SLFN14: variants seen among roughly 807,000 people sequenced by gnomAD.
SLFN14 encodes the protein schlafen family member 14, also known as protein SLFN14.
A neutral mutation model predicts 58.6 loss-of-function variants in SLFN14; 47 were observed. The observed-to-expected ratio is 0.80, with a 90% CI of 0.64 to 1.02. SLFN14 has a LOEUF of 1.02. Ranked by LOEUF, SLFN14 falls within the 50% of genes least tolerant of loss-of-function variation. The pLI is 0.00. For missense variants in SLFN14, 967 were observed against 1,078.4 expected (o/e 0.90, Z 1.45); for synonymous variants, 390 against 387.3 (o/e 1.01, Z -0.08).
At chr17:35,551,725 G>A (rs979838343) in intron 5 of SLFN14, among the ~76,000 whole-genome samples, 1 of 152,196 alleles carries the variant, frequency 6.6e-6, no homozygotes, top group African/African-American at 2.4e-5. Context: ...GCTAGCCGCC[G>A]AAAGAGGGGG....
Position 35,553,101 on chromosome 17 carries a change from C to T in SLFN14, c.1533G>A (p.Arg511=), listed in dbSNP as rs1172686961. Residue 511 remains arginine, a synonymous_variant, in exon 5 of 6, where the codon AGG becomes AGA. Transcript: ENST00000674182. ...GYTGKVCIIP[R]LIHLSSTQSR... is the part of the protein sequence containing the mutation. ...TCTGTGTGCTGCTCAGGTGTATCAG[C>T]CTTGGAATGATGCACACTTTCCCTG... is the stretch of plus-strand genomic sequence containing the variant. The T allele has an allele frequency of 1.3e-6, 2 of 1,551,638 alleles. No individual in the cohort carries two copies. The highest frequency in any genetic ancestry group is 3.9e-5 in the Admixed American group (2 of 50,996).
intron 5 of SLFN14, 52 bp downstream of exon 5, chr17:35,552,675 CATA>C: frequency 1.0e-6 from 1 of 961,186 alleles, no homozygotes; most frequent in Non-Finnish European, 1.5e-6. Flanking sequence ...TATATATACA[CATA>C]TATATATACA....
intron 2 of SLFN14, among the ~76,000 whole-genome samples, chr17:35,559,438 C>A (rs994194361): frequency 2.6e-5 from 4 of 152,076 alleles, no homozygotes; most frequent in African/African-American, 9.7e-5. Context: ...TCTAATAGTT[C>A]TGCCCTGTGC....
chr17:35,551,730 AG>A (rs772774500), intron 5 of SLFN14, among the ~76,000 whole-genome samples: 40 of 152,222 alleles, frequency 2.6e-4, no homozygotes, highest in Non-Finnish European at 4.6e-4. Flanking sequence ...CCGCCGAAAG[AG>A]GGGGAACCTG....
intron 2 of SLFN14, among the ~76,000 whole-genome samples, chr17:35,558,448 T>C (rs2586511): frequency 0.74 from 111,421 of 151,378 alleles, 41,348 homozygotes; most frequent in East Asian, 0.85. Context: ...TTTTCTTTTT[T>C]GTTCTTGCTA....
Position 35,554,699 on chromosome 17 carries a change from G to C in SLFN14, c.1066C>G (p.Pro356Ala). ...VMMLDTQSAP[P>A]SLVTDYNSCL... is the part of the protein sequence containing the mutation. ...GAGTTGTAGTCTGTGACCAAACTGG[G>C]AGGAGCTAGACAATTACATGGAAAG... Residue 356 changes from proline (P) to alanine (A), a missense_variant, in exon 4 of 6, where the codon CCC becomes GCC. Physicochemically the swap from Pro to Ala is conservative, Grantham distance 27. Coordinates refer to ENST00000674182, the MANE Select transcript of SLFN14 (RefSeq NM_001129820.2). The C allele has an allele frequency of 1.4e-6, 2 of 1,414,338 alleles. No homozygotes were observed. Among genetic ancestry groups the C allele is most frequent in the Non-Finnish European group, 9.3e-7 (1 of 1,077,520 alleles). 87.6% of individuals were successfully genotyped at this position (1,414,338 alleles called of 1,614,324 possible).
chr17:35,553,057 G>C lies in SLFN14; in HGVS notation c.1577C>G (p.Pro526Arg). ...SSTQSRPGEIPLRYPRSYRLA... is the reference protein window; with the variant it reads ...SSTQSRPGEIRLRYPRSYRLA... ...CCTGTAGGACCTGGGGTAACGCAGGGGGATCTCACCAGGTCTACTCTGTGT... is the reference window on the plus strand; with the variant it reads ...CCTGTAGGACCTGGGGTAACGCAGGCGGATCTCACCAGGTCTACTCTGTGT... Residue 526 changes from proline to arginine, a missense_variant, in exon 5 of 6, where the codon CCC (proline) becomes CGC (arginine). By Grantham distance (103) the Pro-to-Arg change is moderately radical. Transcript: ENST00000674182. The C allele has an allele frequency of 6.4e-7, 1 of 1,551,532 alleles. No homozygotes were observed. Among genetic ancestry groups the C allele is most frequent in the South Asian group, 1.2e-5 (1 of 84,040 alleles).
chr17:35,552,927 G>A lies in SLFN14; in HGVS notation c.1707C>T (p.Asn569=). The change falls in exon 5 of 6, where the codon AAC becomes AAT. Residue 569 remains asparagine (N), a synonymous_variant. Transcript: ENST00000674182. ...LSDQMGCEFF[N]LLIMEQSQLL... Reference sequence around the variant, plus strand: ...ACTGGCTCTGCTCCATTATGAGCAAGTTGAAAAATTCACAGCCCATCTGGT... The same window carrying A: ...ACTGGCTCTGCTCCATTATGAGCAAATTGAAAAATTCACAGCCCATCTGGT... 1 of 1,551,584 alleles carries A rather than the reference G, an allele frequency of 6.4e-7. No homozygotes were observed. Among genetic ancestry groups the A allele is most frequent in the Middle Eastern group, 1.7e-4 (1 of 5,992 alleles).
Position 35,549,188 on chromosome 17 carries a change from T to C in SLFN14, c.1905-115A>G, listed in dbSNP as rs2142197197. 3.7e-6 allele frequency: 3 copies of C among 806,272 alleles called. No homozygotes were observed. In the East Asian group the frequency reaches 8.0e-5, roughly 22 times the overall value. 49.9% of individuals were successfully genotyped at this position (806,272 alleles called of 1,614,324 possible). ...TCTCATCTGCAGGCTGAGTCATTGA[T>C]TCAGTAGTGTGAATACCACAAAACT... On this transcript the variant is annotated intron_variant, in intron 5 of 5. Coordinates refer to ENST00000674182, the MANE Select transcript of SLFN14 (RefSeq NM_001129820.2).
rs780041155 is a variant in SLFN14 at position 35,554,754 on chromosome 17, A to G, written c.1061-50T>C. 1.1e-4 allele frequency: 47 copies of G among 419,504 alleles called. No individual in the cohort carries two copies. The African/African-American group carries it at 3.3e-3, about 29-fold the overall frequency. 26.0% of individuals were successfully genotyped at this position (419,504 alleles called of 1,614,324 possible). A position where few individuals can be genotyped will look rare whatever the true frequency, so the allele number is the denominator to read the frequency against. On this transcript the variant is annotated intron_variant, in intron 3 of 5. Transcript: ENST00000674182. ...TTCAGACAAAAAATAAAAAGTTAAA[A>G]AAAAAAAAAAAAAAGCCTCTTTTTT...
At chr17:35,555,298 G>A (rs1414220567) in intron 3 of SLFN14, among the ~76,000 whole-genome samples, 1 of 151,972 alleles carries the variant, frequency 6.6e-6, no homozygotes, top group East Asian at 1.9e-4. Flanking sequence ...GGTGAACCCA[G>A]GAGACGGAGC....
Position 35,544,034 on chromosome 17 carries a change from C to G in SLFN14, c.*4205G>C, listed in dbSNP as rs1299847001. On this transcript the variant is annotated 3_prime_UTR_variant, in exon 6 of 6. Transcript: ENST00000674182. ...TCTCATTCATGCACTTTCAGATCAG[C>G]TGGATTTTGGCTAAGCTAGTTAGGA... is the stretch of plus-strand genomic sequence containing the variant. Among the ~76,000 whole-genome samples, 1 of 152,190 alleles carries G rather than the reference C, an allele frequency of 6.6e-6. No individual in the cohort carries two copies. Among genetic ancestry groups the G allele is most frequent in the East Asian group, 1.9e-4 (1 of 5,202 alleles).
At chr17:35,559,487 T>C (rs1408953364) in intron 2 of SLFN14, among the ~76,000 whole-genome samples, 2 of 152,190 alleles carry the variant, frequency 1.3e-5, no homozygotes, top group Non-Finnish European at 2.9e-5. Context: ...ACATGAGCTT[T>C]TGGGGCATGG....
chr17:35,551,351 G>A (rs1320222218), intron 5 of SLFN14, among the ~76,000 whole-genome samples: 1 of 152,136 alleles, frequency 6.6e-6, no homozygotes, highest in Non-Finnish European at 1.5e-5. Context: ...CTACCCTCAG[G>A]AATATTTTTT....
intron 5 of SLFN14, among the ~76,000 whole-genome samples, chr17:35,551,981 G>C (rs755511137): frequency 6.6e-6 from 1 of 152,134 alleles, no homozygotes; most frequent in Non-Finnish European, 1.5e-5. Context: ...ATTGGACCCT[G>C]TATCTTTAAC....
At chr17:35,554,734 A>G in intron 3 of SLFN14, 30 bp from the exon 4 acceptor site, 1 of 1,316,638 alleles carries the variant, frequency 7.6e-7, no homozygotes, top group Non-Finnish European at 9.7e-7. Context: ...GTTGTTTCAG[A>G]CAAAAAATAA....
Position 35,552,614 on chromosome 17 carries a change from GTATATATATACACATATATATACA to G in SLFN14, c.1904+92_1904+115del, listed in dbSNP as rs1567711322. The G allele has an allele frequency of 1.1e-4, 33 of 311,340 alleles. 2 individuals are homozygous for G. In the South Asian group the frequency reaches 2.6e-3, roughly 24 times the overall value. 19.3% of individuals were successfully genotyped at this position (311,340 alleles called of 1,614,324 possible). ...CTGCAAAAAGAATATATATATATGT[GTATATATATACACATATATATACA>G]TATATATATACACATATATATACAC... On this transcript the variant is annotated intron_variant, in intron 5 of 5. Transcript: ENST00000674182.
rs1311663177 is a variant in SLFN14, at chr17:35,544,324, G to A, written c.*3915C>T. Among the ~76,000 whole-genome samples, 3 of 152,100 alleles carry A rather than the reference G, an allele frequency of 2.0e-5. No homozygotes were observed. Among genetic ancestry groups the A allele is most frequent in the East Asian group, 1.9e-4 (1 of 5,196 alleles). On this transcript the variant is annotated 3_prime_UTR_variant, in exon 6 of 6. Coordinates refer to ENST00000674182, the MANE Select transcript of SLFN14 (RefSeq NM_001129820.2). ...CTACAAAGGGTATAGATATAGAGAG[G>A]TAGGAAATATTGGGAACAATAATGT...
In SLFN14 at chr17:35,553,293, G is replaced by T; in HGVS notation, c.1341C>A (p.Gly447=). ...ACAGGACATTCTGTTCTTTCCTGAAGCCAACATCACCAGCCCAGCTTCTAG... is the reference window on the plus strand; with the variant it reads ...ACAGGACATTCTGTTCTTTCCTGAATCCAACATCACCAGCCCAGCTTCTAG... ...IFSRSWAGDV[G]FRKEQNVLCD... is the part of the protein sequence containing the mutation. The change falls in exon 5 of 6, where the codon GGC becomes GGA. Residue 447 remains glycine (G), a synonymous_variant. Coordinates refer to ENST00000674182, the MANE Select transcript of SLFN14 (RefSeq NM_001129820.2). 6.4e-7 allele frequency: 1 copy of T among 1,551,664 alleles called. No individual in the cohort carries two copies. Among genetic ancestry groups the T allele is most frequent in the Non-Finnish European group, 8.7e-7 (1 of 1,147,000 alleles).
Sources: gnomAD v4.1 joint callset for allele counts (sites outside exome capture counted in the v4.1 genomes callset) on GRCh38, gnomAD v4.1.1 for gene constraint, MANE v1.5 for transcripts, NCBI Gene and HGNC (gene_info 2026-07-23, HGNC 2026-07-21) for gene names.